The following BTAF1 variants were observed in gnomAD, a reference collection of about 807,000 sequenced individuals.
The protein encoded by BTAF1 is TATA-binding protein-associated factor 172.
Under a neutral mutation model 227.1 loss-of-function variants are expected in BTAF1, and 38 were observed. That is an observed-to-expected ratio of 0.17 (90% CI 0.13 to 0.22). The LOEUF is 0.22. Ranked by LOEUF, BTAF1 falls within the 10% of genes least tolerant of loss-of-function variation. The pLI is 1.00. For synonymous variants in BTAF1, 742 were observed against 751.9 expected (o/e 0.99, Z 0.21); for missense variants, 1,598 against 2,204.0 (o/e 0.73, Z 5.51).
Position 91,928,115 on chromosome 10 carries a change from A to AT in BTAF1, c.14+4025_14+4026insT, listed in dbSNP as rs1843995178. 3.8e-5 allele frequency among the ~76,000 whole-genome samples: 5 copies of AT among 131,790 alleles called. 1 individual carries two copies. The South Asian group carries it at 1.5e-3, about 40-fold the overall frequency. 86.5% of individuals were successfully genotyped at this position (131,790 alleles called of 152,430 possible). On this transcript the variant is annotated intron_variant, in intron 1 of 37. Coordinates refer to ENST00000265990, the MANE Select transcript of BTAF1 (RefSeq NM_003972.3). ...TCTCCTATAGGAAGGCAATTAGAATAATTTTTGAAGTTTATAATATAGTAA... is the reference window on the plus strand; with the variant it reads ...TCTCCTATAGGAAGGCAATTAGAATATATTTTTGAAGTTTATAATATAGTAA...
chr10:92,024,091 C>T lies in BTAF1; in HGVS notation c.4864-665C>T, dbSNP rs376927427. Among the ~76,000 whole-genome samples the T allele has an allele frequency of 3.5e-4, 53 of 152,290 alleles. No individual in the cohort carries two copies. In the East Asian group the frequency reaches 7.7e-3, roughly 22 times the overall value. ...ATTGCACTTGCTGTGTGCAAGGCACCGAACCACTTTAGGAATAAGTATAAA... is the reference window on the plus strand; with the variant it reads ...ATTGCACTTGCTGTGTGCAAGGCACTGAACCACTTTAGGAATAAGTATAAA... On this transcript the variant is annotated intron_variant, in intron 34 of 37. Coordinates refer to ENST00000265990, the MANE Select transcript of BTAF1 (RefSeq NM_003972.3).
intron 33 of BTAF1, among the ~76,000 whole-genome samples, chr10:92,018,366 G>A (rs1166314439): frequency 6.6e-6 from 1 of 152,128 alleles, no homozygotes; most frequent in Non-Finnish European, 1.5e-5. Flanking sequence ...CAGGGGTGAG[G>A]CACCATGCCC....
chr10:91,978,977 C>T (rs891663624), intron 14 of BTAF1, among the ~76,000 whole-genome samples: 2 of 151,990 alleles, frequency 1.3e-5, no homozygotes, highest in African/African-American at 2.4e-5. Flanking sequence ...GATCCTTTCC[C>T]TCCTTCCCAC....
intron 5 of BTAF1, among the ~76,000 whole-genome samples, chr10:91,953,530 G>C (rs1268363914): frequency 1.3e-5 from 2 of 152,114 alleles, no homozygotes; most frequent in Non-Finnish European, 2.9e-5. Flanking sequence ...ATGTGTATCT[G>C]TTGGGAGTTG....
chr10:91,974,005 C>A (rs536497799), intron 14 of BTAF1, among the ~76,000 whole-genome samples: 42 of 151,562 alleles, frequency 2.8e-4, no homozygotes, highest in African/African-American at 9.9e-4. Context: ...AAATTTTATA[C>A]GGGGACAAAA....
chr10:91,933,326 A>G (rs1309526365), intron 1 of BTAF1, among the ~76,000 whole-genome samples: 1 of 152,174 alleles, frequency 6.6e-6, no homozygotes, highest in Admixed American at 6.5e-5. Flanking sequence ...ATGACAAGGC[A>G]GTTGGGAGTG....
At chr10:92,016,086 T>C (rs1850704080) in intron 32 of BTAF1, among the ~76,000 whole-genome samples, 1 of 152,234 alleles carries the variant, frequency 6.6e-6, no homozygotes, top group Admixed American at 6.5e-5. Flanking sequence ...TTGGACTATT[T>C]GACTTGTATT....
intron 30 of BTAF1, among the ~76,000 whole-genome samples, chr10:92,013,326 T>A (rs551057668): frequency 6.6e-6 from 1 of 152,208 alleles, no homozygotes; most frequent in African/African-American, 2.4e-5. Context: ...TTGGCCACAT[T>A]CCTTAAATCT....
At chr10:91,963,873 T>A (rs1402506877) in intron 12 of BTAF1, among the ~76,000 whole-genome samples, 1 of 152,058 alleles carries the variant, frequency 6.6e-6, no homozygotes, top group East Asian at 1.9e-4. Flanking sequence ...CAAAGTAGAG[T>A]TGAATGGCAT....
intron 4 of BTAF1, among the ~76,000 whole-genome samples, chr10:91,946,987 G>T (rs1178136337): frequency 1.3e-5 from 2 of 151,742 alleles, no homozygotes; most frequent in African/African-American, 4.8e-5. Flanking sequence ...GGGATTACTG[G>T]TGCCTGCCCC....
At chr10:92,013,548 A>C (rs1215676134) in intron 30 of BTAF1, 119 bp from the exon 31 acceptor site, 4 of 1,323,676 alleles carry the variant, frequency 3.0e-6, no homozygotes, top group Non-Finnish European at 4.2e-6. Context: ...CATATGTCTA[A>C]AAATATAGTG....
intron 30 of BTAF1, 61 bp from the exon 31 acceptor site, chr10:92,013,606 A>C (rs1477405081): frequency 6.3e-7 from 1 of 1,597,636 alleles, no homozygotes; most frequent in Non-Finnish European, 8.6e-7. Context: ...CATTAATGTT[A>C]CTTTTTTAGT....
At chr10:92,021,834 G>A (rs1308593372) in intron 34 of BTAF1, among the ~76,000 whole-genome samples, 4 of 152,092 alleles carry the variant, frequency 2.6e-5, no homozygotes, top group African/African-American at 7.2e-5. Context: ...GTGAGCCACC[G>A]TGTCTGGCCC....
intron 19 of BTAF1, among the ~76,000 whole-genome samples, chr10:91,988,721 C>T (rs1848567507): frequency 6.6e-6 from 1 of 152,194 alleles, no homozygotes; most frequent in African/African-American, 2.4e-5. Flanking sequence ...AGTAAACAGC[C>T]ACTCTTAAGT....
intron 23 of BTAF1, 44 bp from the exon 24 acceptor site, chr10:91,996,323 CAG>C (rs1356872259): frequency 2.0e-6 from 3 of 1,536,156 alleles, no homozygotes; most frequent in Non-Finnish European, 2.7e-6. Context: ...ACATATTAAA[CAG>C]TATTTCCTAA....
In BTAF1 at chr10:92,012,902, A is replaced by T. The variant is rs115842828; in HGVS notation, c.4312-765A>T. Among the ~76,000 whole-genome samples the T allele has an allele frequency of 2.3e-3, 357 of 152,108 alleles. 1 individual carries two copies. The highest frequency in any genetic ancestry group is 7.5e-3 in the African/African-American group (312 of 41,484). On this transcript the variant is annotated intron_variant, in intron 30 of 37. Transcript: ENST00000265990. ...ACATCATAGTAATTTAAAGTATGTT[A>T]TTGCTTTTACTTGGTTCAGACATCG...
rs1220613202 is a variant in BTAF1 at position 92,013,791 on chromosome 10, G to T, written c.4436G>T (p.Ser1479Ile). The T allele has an allele frequency of 1.4e-5, 22 of 1,613,910 alleles. No individual in the cohort carries two copies. The highest frequency in any genetic ancestry group is 1.6e-5 in the Non-Finnish European group (19 of 1,180,022). Residue 1479 changes from serine to isoleucine, a missense_variant, in exon 31 of 38, where the codon AGT (serine) becomes ATT (isoleucine). Ser to Ile is a moderately radical substitution (Grantham distance 142). Around this residue, in one of 10 missense-constraint regions of BTAF1, gnomAD observed 184 missense variants for 341.1 expected, o/e 0.54. Coordinates refer to ENST00000265990, the MANE Select transcript of BTAF1 (RefSeq NM_003972.3). ...GCAAGTAGGGATGCTCGAAGCTCCA[G>T]TCGAGAGCAAGAAGCAGGTATGAAA... ...ILASRDARSS[S>I]REQEAGVLAM...
At chr10:91,974,447 C>G (rs941155922) in intron 14 of BTAF1, among the ~76,000 whole-genome samples, 5 of 152,134 alleles carry the variant, frequency 3.3e-5, no homozygotes, top group African/African-American at 1.2e-4. Context: ...TGTGGCATAC[C>G]ATGGCATTTG....
intron 8 of BTAF1, among the ~76,000 whole-genome samples, chr10:91,957,999 G>T (rs1158263969): frequency 6.6e-6 from 1 of 152,016 alleles, no homozygotes; most frequent in Non-Finnish European, 1.5e-5. Context: ...TATTTGTATT[G>T]TCTTCTTTTG....
Sources: allele counts gnomAD v4.1 joint callset (sites outside exome capture counted in the v4.1 genomes callset), GRCh38; gene constraint gnomAD v4.1.1; regional missense constraint gnomAD v4.1.1; transcripts MANE v1.5; gene names NCBI Gene and HGNC (gene_info 2026-07-23, HGNC 2026-07-21).